The following DLGAP4 variants were observed in gnomAD, a reference collection of about 807,000 sequenced individuals.
DLGAP4 encodes the protein DLG associated protein 4, also known as disks large-associated protein 4.
Under a neutral mutation model 86.9 loss-of-function variants are expected in DLGAP4, and 18 were observed. The ratio of observed to expected loss-of-function variants is 0.21; its 90% CI spans 0.14 to 0.31. The LOEUF is 0.31. Ranked by LOEUF, DLGAP4 falls within the 10% of genes least tolerant of loss-of-function variation. DLGAP4 has a pLI of 1.00. For missense variants in DLGAP4, 1,085 were observed against 1,362.6 expected (o/e 0.80, Z 3.21); for synonymous variants, 548 against 574.3 (o/e 0.95, Z 0.65).
chr20:36,436,543 G>T (rs1206668286), intron 4 of DLGAP4, among the ~76,000 whole-genome samples, 193 bp downstream of exon 4: 1 of 152,124 alleles, frequency 6.6e-6, no homozygotes, highest in Non-Finnish European at 1.5e-5. Flanking sequence ...CCCGCCCGGC[G>T]CGGTGGCTCA....
chr20:36,486,660 GAGTGT>G (rs2087752886), intron 7 of DLGAP4, among the ~76,000 whole-genome samples: 1 of 150,292 alleles, frequency 6.7e-6, no homozygotes, highest in African/African-American at 2.5e-5. Context: ...GCACAGGCTG[GAGTGT>G]AGTGGCGCAA....
At chr20:36,526,292 G>C (rs935193217) in intron 12 of DLGAP4, among the ~76,000 whole-genome samples, 1 of 150,856 alleles carries the variant, frequency 6.6e-6, no homozygotes, top group African/African-American at 2.5e-5. Context: ...TAACAGAGGA[G>C]GCAGCAAAAA....
intron 8 of DLGAP4, 37 bp downstream of exon 8, chr20:36,497,103 C>A: frequency 2.6e-6 from 4 of 1,544,654 alleles, no homozygotes; most frequent in Non-Finnish European, 3.5e-6. Flanking sequence ...CCTCAGCCCA[C>A]TCCGTGCACC....
At chr20:36,328,056 G>T (rs1298770759) in intron 1 of DLGAP4, among the ~76,000 whole-genome samples, 2 of 151,702 alleles carry the variant, frequency 1.3e-5, no homozygotes, top group Non-Finnish European at 1.5e-5. Flanking sequence ...AAAATTAGCT[G>T]GGTGTGGTGG....
chr20:36,513,221 G>C (rs2036823946), intron 10 of DLGAP4, among the ~76,000 whole-genome samples: 1 of 151,778 alleles, frequency 6.6e-6, no homozygotes, highest in Non-Finnish European at 1.5e-5. Context: ...GAGCTCATCA[G>C]TTCTGAGTGC....
In DLGAP4 at chr20:36,500,117, C is replaced by T. The variant is rs1004715614; in HGVS notation, c.2100-82C>T. 14 of 1,436,624 alleles carry T rather than the reference C, an allele frequency of 9.7e-6. No homozygotes were observed. Among genetic ancestry groups the T allele is most frequent in the Non-Finnish European group, 1.0e-5 (11 of 1,067,630 alleles). 89.0% of individuals were successfully genotyped at this position (1,436,624 alleles called of 1,614,324 possible). A position where few individuals can be genotyped will look rare whatever the true frequency, so the allele number is the denominator to read the frequency against. ...TCCGTTTCTCTGTCTCCCGTGTGTC[C>T]GGGTCAAGGCGGCCTCTGGTCTCTG... is the stretch of plus-strand genomic sequence containing the variant. On this transcript the variant is annotated intron_variant, in intron 9 of 12. Transcript: ENST00000339266. This position sits in a 1 kb window ranked among gnomAD's most constrained non-coding sequence, Gnocchi z 4.6.
At position 36,500,318 on chromosome 20, in the gene DLGAP4, C is replaced by T. The variant is rs1267149077; in HGVS notation, c.2219C>T (p.Pro740Leu). 8 of 1,613,960 alleles carry T rather than the reference C, an allele frequency of 5.0e-6. No homozygotes were observed. Among genetic ancestry groups the T allele is most frequent in the African/African-American group, 1.3e-5 (1 of 74,952 alleles). Residue 740 changes from proline (P) to leucine (L), a missense_variant, in exon 10 of 13, where the codon CCC becomes CTC. By Grantham distance (98) the Pro-to-Leu change is moderately conservative (BLOSUM62 -3). Coordinates refer to ENST00000339266, the MANE Select transcript of DLGAP4 (RefSeq NM_001365621.2). This position sits in a 1 kb window ranked among gnomAD's most constrained non-coding sequence, Gnocchi z 4.6. ...AGCCTCCCGGACTGTACCCCTCACC[C>T]CAACTCCATCAGCATCGATGCCGGT... ...ERSLPDCTPH[P>L]NSISIDAGPR...
chr20:36,405,213 A>G (rs540512585), intron 2 of DLGAP4, among the ~76,000 whole-genome samples: 1 of 152,170 alleles, frequency 6.6e-6, no homozygotes, highest in African/African-American at 2.4e-5. Context: ...GAAGATGTGG[A>G]TAGTGGTTAA....
intron 2 of DLGAP4, among the ~76,000 whole-genome samples, chr20:36,424,412 T>A (rs1702766): frequency 1.3e-5 from 2 of 151,874 alleles, no homozygotes; most frequent in East Asian, 3.9e-4. Flanking sequence ...GAGAATGAGT[T>A]CTGTATCTTG....
At chr20:36,450,522 C>T (rs75318831) in intron 7 of DLGAP4, among the ~76,000 whole-genome samples, 1 of 152,044 alleles carries the variant, frequency 6.6e-6, no homozygotes, top group East Asian at 1.9e-4. Flanking sequence ...TCAGGGTCAA[C>T]AATTCTATGT....
chr20:36,341,398 T>C (rs968137684), intron 1 of DLGAP4, among the ~76,000 whole-genome samples: 1 of 152,216 alleles, frequency 6.6e-6, no homozygotes, highest in Admixed American at 6.5e-5. Context: ...ATCTGTCTTG[T>C]TGACTGCCCC....
chr20:36,472,934 TACAG>T (rs1470621933), intron 7 of DLGAP4, among the ~76,000 whole-genome samples: 1 of 152,112 alleles, frequency 6.6e-6, no homozygotes, highest in Non-Finnish European at 1.5e-5. Context: ...GGCGCCAGGC[TACAG>T]ACAGGCAGTG....
intron 1 of DLGAP4, among the ~76,000 whole-genome samples, chr20:36,359,328 C>T (rs979000329): frequency 6.6e-6 from 1 of 152,220 alleles, no homozygotes; most frequent in African/African-American, 2.4e-5. Context: ...GCACTAGTCA[C>T]ATTTCCAATG....
At chr20:36,351,663 C>T (rs955224615) in intron 1 of DLGAP4, among the ~76,000 whole-genome samples, 17 of 152,118 alleles carry the variant, frequency 1.1e-4, no homozygotes, top group Non-Finnish European at 2.2e-4. Context: ...ACCAGCCCCC[C>T]TCATCTGTGG....
At chr20:36,427,868 A>G (rs534440101) in intron 2 of DLGAP4, among the ~76,000 whole-genome samples, 45 of 150,730 alleles carry the variant, frequency 3.0e-4, no homozygotes, top group Non-Finnish European at 5.3e-4. Flanking sequence ...GCTGGAACCC[A>G]GGAGGCAGAG....
At chr20:36,319,507 C>G (rs2065144814) in intron 1 of DLGAP4, among the ~76,000 whole-genome samples, 1 of 152,194 alleles carries the variant, frequency 6.6e-6, no homozygotes, top group Non-Finnish European at 1.5e-5. Flanking sequence ...GCACTCCCTC[C>G]CTAGCCTAGC....
intron 2 of DLGAP4, among the ~76,000 whole-genome samples, chr20:36,423,590 G>T (rs912765264): frequency 6.6e-6 from 1 of 152,022 alleles, no homozygotes; most frequent in East Asian, 1.9e-4. Context: ...GTATAGTGAG[G>T]TGAGGAGGGG....
intron 10 of DLGAP4, chr20:36,508,173 A>G (rs951913081): frequency 6.6e-6 from 1 of 152,256 alleles, no homozygotes; most frequent in Non-Finnish European, 1.5e-5. Flanking sequence ...TTCATAGGGA[A>G]GTATCAAGGT....
At chr20:36,336,091 AC>A (rs1198160170) in intron 1 of DLGAP4, among the ~76,000 whole-genome samples, 4 of 152,156 alleles carry the variant, frequency 2.6e-5, no homozygotes, top group Non-Finnish European at 5.9e-5. Context: ...TGCCCATGGA[AC>A]ACCTATAGTG....
Sources: gnomAD v4.1 joint callset for allele counts (sites outside exome capture counted in the v4.1 genomes callset) on GRCh38, gnomAD v4.1.1 for gene constraint, Gnocchi (gnomAD v3.1) non-coding constraint, MANE v1.5 for transcripts, NCBI Gene and HGNC (gene_info 2026-07-23, HGNC 2026-07-21) for gene names.